Variants in BRCA1 observed in about 807,000 individuals in gnomAD.
BRCA1 encodes the protein BRCA1 DNA repair associated.
Under a neutral mutation model 173.7 loss-of-function variants are expected in BRCA1, and 140 were observed. That is an observed-to-expected ratio of 0.81 (90% CI 0.70 to 0.93). The LOEUF (loss-of-function observed/expected upper bound fraction) is 0.93, where lower values mean the gene tolerates loss of function less well. Among genes scored for constraint, BRCA1 ranks in the 40% least tolerant of loss-of-function variants. The probability of loss-of-function intolerance (pLI) is 0.00; values close to 1 mark genes in which losing one functional copy is unlikely to be tolerated. For synonymous variants in BRCA1, 662 were observed against 756.0 expected, an observed-to-expected ratio of 0.88 and a Z score of 2.04; for missense variants, 1,983 against 2,172.5, an observed-to-expected ratio of 0.91 and a Z score of 1.73.
At chr17:43,149,651 G>A (rs908002543) in intron 1 of BRCA1, among the ~76,000 whole-genome samples, 3 of 152,310 alleles carry the variant, frequency 2.0e-5, no homozygotes, top group African/African-American at 7.2e-5. Flanking sequence ...TATGAAGCAT[G>A]ATCAATCAGT....
chr17:43,104,757 T>C, intron 5 of BRCA1, 111 bp downstream of exon 5: 1 of 958,638 alleles, frequency 1.0e-6, no homozygotes, highest in East Asian at 2.4e-5. Context: ...AGAACTAAAA[T>C]TAACCTAGAC....
intron 4 of BRCA1, 89 bp downstream of exon 4, chr17:43,106,367 G>A: frequency 2.4e-6 from 2 of 817,142 alleles, no homozygotes; most frequent in Non-Finnish European, 3.9e-6. Context: ...TCTGATGAAT[G>A]GTTTTATAGG....
At chr17:43,068,519 C>A (rs1255293678) in intron 15 of BRCA1, among the ~76,000 whole-genome samples, 1 of 149,852 alleles carries the variant, frequency 6.7e-6, no homozygotes, top group Non-Finnish European at 1.5e-5. Flanking sequence ...GAGACCAAGA[C>A]CAGCCTGGGC....
At chr17:43,048,289 G>A (rs562254980) in intron 21 of BRCA1, among the ~76,000 whole-genome samples, 29 of 152,228 alleles carry the variant, frequency 1.9e-4, no homozygotes, top group East Asian at 1.5e-3. Context: ...TGCAACCTCC[G>A]CCTCCGGGGT....
chr17:43,071,041 A>T lies in BRCA1; in HGVS notation c.4873T>A (p.Tyr1625Asn), dbSNP rs2052392087. ...AAAHTTDTAG[Y>N]NAMEESVSRE... is the part of the protein sequence containing the mutation. The stretch of plus-strand genomic sequence containing the variant: ...CTCACACTTTCTTCCATTGCATTAT[A>T]CCCAGCAGTATCAGTAGTATGAGCA... The change falls in exon 15 of 23, where the codon TAT becomes AAT. Residue 1625 changes from tyrosine (Y) to asparagine (N), a missense_variant. Physicochemically the swap from Tyr to Asn is moderately radical, Grantham distance 143. Coordinates refer to ENST00000357654, the MANE Select transcript of BRCA1 (RefSeq NM_007294.4). 6.2e-7 allele frequency: 1 copy of T among 1,614,050 alleles called. No homozygotes were observed. Among genetic ancestry groups the T allele is most frequent in the Non-Finnish European group, 8.5e-7 (1 of 1,180,034 alleles).
intron 1 of BRCA1, chr17:43,145,189 A>G (rs1302734189): frequency 4.2e-6 from 3 of 710,432 alleles, no homozygotes; most frequent in Non-Finnish European, 8.0e-6. Flanking sequence ...TGCAGAAAAC[A>G]GGGGAAACGA....
intron 11 of BRCA1, among the ~76,000 whole-genome samples, chr17:43,087,584 C>T (rs1377792547): frequency 6.6e-6 from 1 of 151,340 alleles, no homozygotes; most frequent in Non-Finnish European, 1.5e-5. Context: ...ATCGCATGAA[C>T]CCGGGAGGCA....
chr17:43,120,830 G>T (rs571927660), intron 2 of BRCA1, among the ~76,000 whole-genome samples: 1 of 152,208 alleles, frequency 6.6e-6, no homozygotes, highest in East Asian at 1.9e-4. Flanking sequence ...ACTTTGGAAG[G>T]CCGAGGCGGG....
chr17:43,127,108 CCT>C (rs920052748), upstream of BRCA1, among the ~76,000 whole-genome samples: 3 of 152,236 alleles, frequency 2.0e-5, no homozygotes, highest in Non-Finnish European at 4.4e-5. Context: ...CCTCCCAACC[CCT>C]GTGAGCTCCA....
rs753748171 is a variant in BRCA1 at position 43,094,321 on chromosome 17, C to G, written c.1210G>C (p.Glu404Gln). ...GSDDSHDGES[E>Q]SNAKVADVLD... ...ACATCAGCTACTTTGGCATTTGATT[C>G]AGACTCCCCATCATGTGAGTCATCA... Residue 404 changes from glutamate to glutamine, a missense_variant, in exon 10 of 23, where the codon GAA (glutamate) becomes CAA (glutamine). Coordinates refer to ENST00000357654, the MANE Select transcript of BRCA1 (RefSeq NM_007294.4). The G allele has an allele frequency of 2.5e-6, 4 of 1,613,986 alleles. No homozygotes were observed. The South Asian group carries it at 3.3e-5, about 13-fold the overall frequency.
At chr17:43,084,860 T>C (rs2053166965) in intron 11 of BRCA1, among the ~76,000 whole-genome samples, 1 of 152,190 alleles carries the variant, frequency 6.6e-6, no homozygotes, top group African/African-American at 2.4e-5. Flanking sequence ...ACCAAAATGC[T>C]TCACAGGCTG....
intron 1 of BRCA1, chr17:43,161,674 G>A (rs1437869465): frequency 6.6e-6 from 1 of 152,152 alleles, no homozygotes; most frequent in East Asian, 1.9e-4. Context: ...GAAGGGTGAA[G>A]TCCTTCTCCA....
chr17:43,151,054 C>T (rs34059614), intron 1 of BRCA1, among the ~76,000 whole-genome samples: 45,578 of 151,876 alleles, frequency 0.3, 7,398 homozygotes, highest in South Asian at 0.49. Flanking sequence ...TTCCCTAGGG[C>T]CCTCAGGGCC....
In BRCA1 at chr17:43,110,636, T is replaced by G. The variant is rs1482068503; in HGVS notation, c.135-4103A>C. On this transcript the variant is annotated intron_variant, in intron 3 of 22. Transcript: ENST00000357654. ...GTTGAAAAATTTAAGTTACATTTATTGCTCACATTCTATCTCTTTGAACAA... is the reference window on the plus strand; with the variant it reads ...GTTGAAAAATTTAAGTTACATTTATGGCTCACATTCTATCTCTTTGAACAA... The G allele has an allele frequency of 1.0e-5, 4 of 382,020 alleles. No homozygotes were observed. In the East Asian group the frequency reaches 3.0e-4, roughly 28 times the overall value. The allele number at this position is 382,020 out of a possible 1,614,324, so 23.7% of individuals were successfully genotyped here.
chr17:43,145,173 T>G (rs979509312), intron 1 of BRCA1: 38 of 708,286 alleles, frequency 5.4e-5, no homozygotes, highest in Non-Finnish European at 9.7e-5. Context: ...CTAAAGAAGA[T>G]TTACCTGCAG....
At chr17:43,098,680 A>G (rs985093860) in intron 7 of BRCA1, among the ~76,000 whole-genome samples, 2 of 147,282 alleles carry the variant, frequency 1.4e-5, no homozygotes, top group Non-Finnish European at 3.0e-5. Context: ...ATGTATTATT[A>G]TTTTAAAAAT....
intron 1 of BRCA1, chr17:43,132,774 T>TA (rs1402852427): frequency 1.3e-5 from 2 of 151,254 alleles, no homozygotes; most frequent in Non-Finnish European, 2.9e-5. Flanking sequence ...TATTTTATTT[T>TA]TTTTTTTGAG....
At chr17:43,136,395 ACACCAAAAGCAGTGG>A (rs2056024156) in intron 1 of BRCA1, among the ~76,000 whole-genome samples, 1 of 152,204 alleles carries the variant, frequency 6.6e-6, no homozygotes, top group Non-Finnish European at 1.5e-5. Context: ...CATGACTAAA[ACACCAAAAGCAGTGG>A]CAACAAAAGC....
rs545750728 is a variant in BRCA1 at position 43,132,051 on chromosome 17, T to C, written c.-19-7936A>G. On this transcript the variant is annotated intron_variant, in intron 1 of 7. Coordinates refer to the BRCA1 transcript ENST00000634433. Reference sequence around the variant, plus strand: ...CAGCGGCCTCAGCCTCCCAAAGTTATGGGATTACAGGCATGAGCCATTGTG... The same window carrying C: ...CAGCGGCCTCAGCCTCCCAAAGTTACGGGATTACAGGCATGAGCCATTGTG... Among the ~76,000 whole-genome samples, 12 of 152,298 alleles carry C rather than the reference T, an allele frequency of 7.9e-5. No individual in the cohort carries two copies. In the East Asian group the frequency reaches 9.7e-4, roughly 12 times the overall value.
Sources: allele counts gnomAD v4.1 joint callset (sites outside exome capture counted in the v4.1 genomes callset), GRCh38; gene constraint gnomAD v4.1.1; transcripts MANE v1.5; gene names NCBI Gene and HGNC (gene_info 2026-07-23, HGNC 2026-07-21).